The following TBC1D8 variants were observed in gnomAD, a reference collection of about 807,000 sequenced individuals.
TBC1D8 encodes the protein BUB2-like protein 1.
Under a neutral mutation model 118.8 loss-of-function variants are expected in TBC1D8, and 65 were observed. The observed-to-expected ratio is 0.55, with a 90% CI of 0.45 to 0.67. The LOEUF (loss-of-function observed/expected upper bound fraction) is 0.67. Among genes scored for constraint, TBC1D8 ranks in the 30% least tolerant of loss-of-function variants. The pLI is 0.00. For missense variants in TBC1D8, 1,376 were observed against 1,471.2 expected, an observed-to-expected ratio of 0.94 and a Z score of 1.06; for synonymous variants, 566 against 595.8, an observed-to-expected ratio of 0.95 and a Z score of 0.73.
intron 9 of TBC1D8, 128 bp from the exon 10 acceptor site, chr2:101,033,886 G>A (rs1008413757): frequency 4.4e-5 from 49 of 1,108,776 alleles, no homozygotes; most frequent in Admixed American, 3.0e-4. Flanking sequence ...AATATTGGCC[G>A]GGTGCGGTGG....
intron 1 of TBC1D8, among the ~76,000 whole-genome samples, chr2:101,112,737 C>G (rs1677661022): frequency 6.6e-6 from 1 of 152,186 alleles, no homozygotes; most frequent in African/African-American, 2.4e-5. Context: ...CCTTACCTTT[C>G]TTTTGGGCTC....
chr2:101,064,834 A>G lies in TBC1D8; in HGVS notation c.284-5295T>C, dbSNP rs1205858066. Among the ~76,000 whole-genome samples, 3 of 152,172 alleles carry G rather than the reference A, an allele frequency of 2.0e-5. No homozygotes were observed. The East Asian group carries it at 5.8e-4, about 29-fold the overall frequency. On this transcript the variant is annotated intron_variant, in intron 2 of 19. Transcript: ENST00000409318. The stretch of plus-strand genomic sequence containing the variant: ...AGGAATTTTGTTCCATATACCATAC[A>G]CATAATATTACTTATCTCCATAAAA...
At chr2:101,040,564 G>A (rs1681323252) in intron 5 of TBC1D8, among the ~76,000 whole-genome samples, 179 bp from the exon 6 acceptor site, 1 of 152,240 alleles carries the variant, frequency 6.6e-6, no homozygotes, top group Non-Finnish European at 1.5e-5. Context: ...CCACCTCCCA[G>A]GTTCAAGTGA....
At position 101,054,438 on chromosome 2, in the gene TBC1D8, G is replaced by A. The variant is rs909127158; in HGVS notation, c.403-102C>T. 1.0e-4 allele frequency: 120 copies of A among 1,188,224 alleles called. No individual in the cohort carries two copies. The African/African-American group carries it at 1.1e-3, about 11-fold the overall frequency. The allele number at this position is 1,188,224 out of a possible 1,614,324, so 73.6% of individuals were successfully genotyped here. ...GAGGGACTGAGGTGCACAGGCCCCC[G>A]AGAAGTGTGCGCTGCTTCAACGACA... On this transcript the variant is annotated intron_variant, in intron 3 of 19. Coordinates refer to ENST00000409318, the MANE Select transcript of TBC1D8 (RefSeq NM_001330348.2).
intron 17 of TBC1D8, among the ~76,000 whole-genome samples, chr2:101,020,427 T>C (rs1280978500): frequency 1.3e-5 from 2 of 152,216 alleles, no homozygotes; most frequent in South Asian, 4.1e-4. Context: ...TAAAACTCAA[T>C]TTGTATTGGC....
At chr2:101,108,253 G>A (rs1345287937) in intron 1 of TBC1D8, among the ~76,000 whole-genome samples, 1 of 152,194 alleles carries the variant, frequency 6.6e-6, no homozygotes, top group African/African-American at 2.4e-5. Flanking sequence ...TACAGGACCA[G>A]CATTTTCTCA....
intron 17 of TBC1D8, among the ~76,000 whole-genome samples, chr2:101,014,066 G>A (rs892654564): frequency 1.3e-5 from 2 of 152,186 alleles, no homozygotes; most frequent in African/African-American, 4.8e-5. Context: ...AGATGCAACA[G>A]CTACTGGAGG....
At chr2:101,096,432 A>C (rs1385118270) in intron 1 of TBC1D8, among the ~76,000 whole-genome samples, 2 of 150,044 alleles carry the variant, frequency 1.3e-5, no homozygotes, top group African/African-American at 4.8e-5. Flanking sequence ...AAAAAAAAAA[A>C]AAAAAAAAAA....
chr2:101,107,267 T>C (rs1677282707), intron 1 of TBC1D8, among the ~76,000 whole-genome samples: 1 of 152,152 alleles, frequency 6.6e-6, no homozygotes, highest in Non-Finnish European at 1.5e-5. Flanking sequence ...CAATGGTTAA[T>C]TGTAGGTGTC....
At chr2:101,046,267 C>G (rs915199548) in intron 5 of TBC1D8, among the ~76,000 whole-genome samples, 1 of 152,224 alleles carries the variant, frequency 6.6e-6, no homozygotes, top group African/African-American at 2.4e-5. Context: ...GGCGCCAGCA[C>G]AGGCGGTCGG....
intron 1 of TBC1D8, among the ~76,000 whole-genome samples, chr2:101,131,638 C>A (rs1484974077): frequency 6.6e-6 from 1 of 151,224 alleles, no homozygotes; most frequent in Non-Finnish European, 1.5e-5. Flanking sequence ...TATGGTGAAA[C>A]CCTGTCTCTA....
rs1254526083 is a variant in TBC1D8, at chr2:101,079,239, C to T, written c.283+10970G>A. Among the ~76,000 whole-genome samples, 7 of 152,196 alleles carry T rather than the reference C, an allele frequency of 4.6e-5. No individual in the cohort carries two copies. In the South Asian group the frequency reaches 6.2e-4, roughly 13 times the overall value. On this transcript the variant is annotated intron_variant, in intron 2 of 19. Coordinates refer to ENST00000409318, the MANE Select transcript of TBC1D8 (RefSeq NM_001330348.2). ...TAAAAATGAAAGGGATTAAACTAGA[C>T]GCCTGCTAAGGTCCTCTCCAGACGG... is the stretch of plus-strand genomic sequence containing the variant.
At chr2:101,066,211 G>A (rs1316353206) in intron 2 of TBC1D8, among the ~76,000 whole-genome samples, 1 of 152,086 alleles carries the variant, frequency 6.6e-6, no homozygotes, top group Non-Finnish European at 1.5e-5. Context: ...TTGAACCCGG[G>A]AGATGGAGGT....
chr2:101,081,573 G>A (rs56343043), intron 2 of TBC1D8, among the ~76,000 whole-genome samples: 19,264 of 152,098 alleles, frequency 0.13, 1,325 homozygotes, highest in Non-Finnish European at 0.16. Flanking sequence ...TGGGCCCCCT[G>A]GGACCCTCCC....
At chr2:101,125,301 T>TA (rs202061639) in intron 1 of TBC1D8, among the ~76,000 whole-genome samples, 53 of 150,624 alleles carry the variant, frequency 3.5e-4, no homozygotes, top group Admixed American at 4.6e-4. Flanking sequence ...AAAAATAGTT[T>TA]AAAAAAAAAA....
intron 2 of TBC1D8, among the ~76,000 whole-genome samples, chr2:101,062,947 T>C (rs183166003): frequency 5.9e-5 from 9 of 152,268 alleles, no homozygotes; most frequent in African/African-American, 2.2e-4. Context: ...GCCCTGCTAA[T>C]TTGAATTTTT....
In TBC1D8 at chr2:101,083,836, C is replaced by G. The variant is rs573304860; in HGVS notation, c.283+6373G>C. Among the ~76,000 whole-genome samples, 5 of 152,244 alleles carry G rather than the reference C, an allele frequency of 3.3e-5. No homozygotes were observed. In the South Asian group the frequency reaches 8.3e-4, roughly 25 times the overall value. On this transcript the variant is annotated intron_variant, in intron 2 of 19. Transcript: ENST00000409318. ...TGGGCAGGGGCCTTTGCTCAATGCT[C>G]AAGACACAATAAAATATTAACTACG...
At chr2:101,135,664 C>A (rs934110822) in intron 1 of TBC1D8, among the ~76,000 whole-genome samples, 4 of 152,256 alleles carry the variant, frequency 2.6e-5, no homozygotes, top group African/African-American at 9.6e-5. Context: ...AGCACAGGCC[C>A]TGGCCTGAGT....
chr2:101,075,664 T>C (rs1032490730), intron 2 of TBC1D8, among the ~76,000 whole-genome samples: 2 of 152,148 alleles, frequency 1.3e-5, no homozygotes, highest in African/African-American at 4.8e-5. Context: ...TGCTTCTCCT[T>C]TGCACCTTCT....
Sources: gnomAD v4.1 joint callset for allele counts (sites outside exome capture counted in the v4.1 genomes callset) on GRCh38, gnomAD v4.1.1 for gene constraint, MANE v1.5 for transcripts, NCBI Gene and HGNC (gene_info 2026-07-23, HGNC 2026-07-21) for gene names.